The following KAZN variants were observed in gnomAD, a reference collection of about 807,000 sequenced individuals.
KAZN encodes kazrin.
KAZN carries 40 observed loss-of-function variants against 87.4 expected under a neutral mutation model. The ratio of observed to expected loss-of-function variants is 0.46; its 90% CI spans 0.36 to 0.60. The LOEUF is 0.60. KAZN is among the 20% of genes least tolerant of loss of function. The probability of loss-of-function intolerance (pLI) is 0.00; values close to 1 mark genes in which losing one functional copy is unlikely to be tolerated. For synonymous variants in KAZN, 466 were observed against 458.3 expected (o/e 1.02, Z -0.22); for missense variants, 898 against 1,073.9 (o/e 0.84, Z 2.29).
chr1:14,711,232 C>G (rs1004624180), intron 1 of KAZN, among the ~76,000 whole-genome samples: 26 of 151,394 alleles, frequency 1.7e-4, no homozygotes, highest in African/African-American at 5.6e-4. Flanking sequence ...ATGAGCCAGG[C>G]ATGGCAGCAT....
At chr1:14,002,371 G>A (rs1639833345) in intron 1 of KAZN, among the ~76,000 whole-genome samples, 2 of 152,174 alleles carry the variant, frequency 1.3e-5, no homozygotes, top group Admixed American at 6.5e-5. Flanking sequence ...ATTGAATCAT[G>A]GGGACTGGTC....
chr1:14,367,666 C>A (rs547117308), intron 2 of KAZN, among the ~76,000 whole-genome samples: 1 of 152,262 alleles, frequency 6.6e-6, no homozygotes, highest in South Asian at 2.1e-4. Flanking sequence ...CATCACCCCA[C>A]CCCTTCTCTT....
intron 1 of KAZN, among the ~76,000 whole-genome samples, chr1:14,662,275 G>A (rs550668283): frequency 6.6e-6 from 1 of 152,320 alleles, no homozygotes; most frequent in Non-Finnish European, 1.5e-5. Flanking sequence ...TGTGGGCACA[G>A]GTCCAAAGGA....
intron 2 of KAZN, among the ~76,000 whole-genome samples, chr1:14,348,078 T>G (rs1658247744): frequency 1.5e-5 from 2 of 133,250 alleles, no homozygotes; most frequent in Admixed American, 1.6e-4. Context: ...TGAGATGAAA[T>G]CTCACTCTGT....
chr1:14,620,352 C>G (rs1322333369), intron 1 of KAZN, among the ~76,000 whole-genome samples: 1 of 152,228 alleles, frequency 6.6e-6, no homozygotes, highest in African/African-American at 2.4e-5. Context: ...TCACACAAGG[C>G]TCAGCAATGC....
At chr1:14,753,265 C>A (rs549237591) in intron 1 of KAZN, among the ~76,000 whole-genome samples, 1 of 151,864 alleles carries the variant, frequency 6.6e-6, no homozygotes, top group East Asian at 1.9e-4. Flanking sequence ...AGGAAGCAGG[C>A]GGTATTTGGT....
intron 1 of KAZN, among the ~76,000 whole-genome samples, chr1:13,931,691 G>T (rs1370164178): frequency 6.6e-6 from 1 of 152,108 alleles, no homozygotes; most frequent in East Asian, 1.9e-4. Flanking sequence ...ATGTGTGTGT[G>T]TGTATTTGGC....
chr1:14,616,006 G>A (rs577410688), intron 1 of KAZN, among the ~76,000 whole-genome samples: 7 of 152,280 alleles, frequency 4.6e-5, no homozygotes, highest in Non-Finnish European at 7.4e-5. Context: ...AGAGACATGC[G>A]CAGGAGAGAC....
chr1:14,140,718 C>A (rs948108901), intron 1 of KAZN, among the ~76,000 whole-genome samples: 61 of 152,232 alleles, frequency 4.0e-4, no homozygotes, highest in African/African-American at 1.4e-3. Context: ...CCTGCCTCCC[C>A]CACGAACCCC....
chr1:14,069,475 C>T (rs118080711), intron 1 of KAZN, among the ~76,000 whole-genome samples: 3 of 152,188 alleles, frequency 2.0e-5, no homozygotes, highest in East Asian at 1.9e-4. Flanking sequence ...TGTTTACTTC[C>T]AAACCCCCAT....
chr1:14,941,548 G>A (rs1438164927), intron 1 of KAZN, among the ~76,000 whole-genome samples: 1 of 151,742 alleles, frequency 6.6e-6, no homozygotes, highest in Admixed American at 6.6e-5. Flanking sequence ...TGGGTTGGGG[G>A]GTGGGATGGG....
intron 1 of KAZN, among the ~76,000 whole-genome samples, chr1:13,976,004 C>T (rs934505966): frequency 2.6e-5 from 4 of 152,218 alleles, no homozygotes; most frequent in African/African-American, 4.8e-5. Flanking sequence ...CCATTGCACC[C>T]TGCCTTGAAT....
intron 1 of KAZN, among the ~76,000 whole-genome samples, chr1:13,950,371 G>A (rs1473094053): frequency 6.6e-6 from 1 of 152,206 alleles, no homozygotes; most frequent in Non-Finnish European, 1.5e-5. Flanking sequence ...TCTGGGATTT[G>A]ATGGTCTCTC....
chr1:14,420,192 G>A (rs562594563), intron 2 of KAZN, among the ~76,000 whole-genome samples: 43 of 152,102 alleles, frequency 2.8e-4, no homozygotes, highest in Non-Finnish European at 3.1e-4. Flanking sequence ...TGATTGGTGC[G>A]TTTACAAACC....
chr1:14,932,461 C>T (rs553733884), intron 1 of KAZN, among the ~76,000 whole-genome samples: 48 of 152,278 alleles, frequency 3.2e-4, no homozygotes, highest in African/African-American at 1.1e-3. Flanking sequence ...GGAGAGCCTG[C>T]GTGGGGCCCT....
intron 1 of KAZN, among the ~76,000 whole-genome samples, chr1:14,671,953 C>G (rs935854893): frequency 6.6e-6 from 1 of 152,226 alleles, no homozygotes; most frequent in Non-Finnish European, 1.5e-5. Flanking sequence ...TTGTGCTACT[C>G]TCTTTAGAAA....
chr1:14,416,267 C>T (rs929691841), intron 2 of KAZN, among the ~76,000 whole-genome samples: 7 of 152,180 alleles, frequency 4.6e-5, no homozygotes, highest in Admixed American at 3.9e-4. Flanking sequence ...TATGCATTCA[C>T]ATTCTAGACA....
chr1:14,537,577 GTGTGGTCATTTGAAT>G (rs1483215330), intron 2 of KAZN, among the ~76,000 whole-genome samples: 1 of 152,158 alleles, frequency 6.6e-6, no homozygotes, highest in Admixed American at 6.5e-5. Context: ...AGTAGCCTGA[GTGTGGTCATTTGAAT>G]TTCCAAGCCT....
intron 2 of KAZN, among the ~76,000 whole-genome samples, chr1:14,223,989 C>T (rs1647172433): frequency 6.6e-6 from 1 of 152,186 alleles, no homozygotes; most frequent in South Asian, 2.1e-4. Context: ...AGTTCACGAT[C>T]GTCAGGGCAC....
Sources: allele counts gnomAD v4.1 joint callset (sites outside exome capture counted in the v4.1 genomes callset), GRCh38; gene constraint gnomAD v4.1.1; transcripts MANE v1.5; gene names NCBI Gene and HGNC (gene_info 2026-07-23, HGNC 2026-07-21).